Variants in OPN3 observed in about 807,000 individuals in gnomAD.
The protein encoded by OPN3 is opsin 3, also known as opsin-3.
In OPN3, 29 loss-of-function variants were observed where a neutral mutation model predicts 33.8. That is an observed-to-expected ratio of 0.86 (90% CI 0.64 to 1.17). The LOEUF (loss-of-function observed/expected upper bound fraction) is 1.17. OPN3 is among the 50% of genes most tolerant of loss of function. The pLI, the probability that OPN3 is intolerant of heterozygous loss-of-function variation, is 0.00. For synonymous variants in OPN3, 216 were observed against 216.1 expected, an observed-to-expected ratio of 1.00 and a Z score of 0.00; for missense variants, 437 against 514.1, an observed-to-expected ratio of 0.85 and a Z score of 1.45.
At chr1:241,637,726 T>C (rs755704921) in intron 1 of OPN3, among the ~76,000 whole-genome samples, 2 of 151,990 alleles carry the variant, frequency 1.3e-5, no homozygotes, top group East Asian at 1.9e-4. Context: ...TACCCAATAA[T>C]AGAGATGAGA....
chr1:241,604,486 C>G lies in OPN3; in HGVS notation c.467G>C (p.Arg156Thr), dbSNP rs1180316822. The change falls in exon 2 of 4, where the codon AGG (arginine) becomes ACG (threonine). Residue 156 changes from arginine (R) to threonine (T), a missense_variant. Coordinates refer to ENST00000366554, the MANE Select transcript of OPN3 (RefSeq NM_014322.3). ...ARVINFSWAW[R>T]AITYIWLYSL... Reference sequence around the variant, plus strand: ...GTAGAGCCAGATGTAGGTAATGGCCCTCCAGGCCCAGGAAAAATTGATCAC... The same window carrying G: ...GTAGAGCCAGATGTAGGTAATGGCCGTCCAGGCCCAGGAAAAATTGATCAC... The G allele has an allele frequency of 1.9e-6, 3 of 1,614,160 alleles. No homozygotes were observed.
chr1:241,597,683 A>G (rs1013587058), intron 3 of OPN3, 63 bp downstream of exon 3: 2 of 1,542,422 alleles, frequency 1.3e-6, no homozygotes, highest in Middle Eastern at 1.8e-4. Context: ...CTGTAAAAGT[A>G]TTACACTGTC....
At chr1:241,626,751 G>A (rs1664432746) in intron 1 of OPN3, among the ~76,000 whole-genome samples, 1 of 152,070 alleles carries the variant, frequency 6.6e-6, no homozygotes, top group Non-Finnish European at 1.5e-5. Context: ...CCCATACTGG[G>A]TAATATTTAC....
intron 1 of OPN3, among the ~76,000 whole-genome samples, chr1:241,613,791 C>T (rs188158546): frequency 6.6e-6 from 1 of 152,034 alleles, no homozygotes; most frequent in Admixed American, 6.5e-5. Flanking sequence ...GTTCAGTAGT[C>T]TTCATATTTC....
At chr1:241,619,702 T>A (rs572465151) in intron 1 of OPN3, among the ~76,000 whole-genome samples, 3 of 152,326 alleles carry the variant, frequency 2.0e-5, no homozygotes, top group African/African-American at 7.2e-5. Flanking sequence ...AGTTTCATCA[T>A]GAAACAGACT....
chr1:241,619,017 A>C (rs901227766), intron 1 of OPN3, among the ~76,000 whole-genome samples: 1 of 151,906 alleles, frequency 6.6e-6, no homozygotes, highest in African/African-American at 2.4e-5. Context: ...GGATCACTCC[A>C]GGCAAGGAGA....
chr1:241,621,015 C>T (rs1664259125), intron 1 of OPN3, among the ~76,000 whole-genome samples: 1 of 152,112 alleles, frequency 6.6e-6, no homozygotes, highest in South Asian at 2.1e-4. Context: ...AGGATGGAAG[C>T]ACTGCTTGGA....
intron 1 of OPN3, among the ~76,000 whole-genome samples, chr1:241,605,111 A>T (rs1456424091): frequency 2.0e-5 from 3 of 152,088 alleles, no homozygotes; most frequent in African/African-American, 7.2e-5. Flanking sequence ...GATTAAAAAA[A>T]GATTAGACAA....
chr1:241,640,262 C>G lies in OPN3; in HGVS notation c.-8G>C, dbSNP rs1358719434. On this transcript the variant is annotated 5_prime_UTR_variant, in exon 1 of 4. Coordinates refer to ENST00000366554, the MANE Select transcript of OPN3 (RefSeq NM_014322.3). ...GCGGTTCCCCGAGTACATGGCCCGG[C>G]GCCGGCGCGCCTGGCGGGCGGAGGC... 11 of 1,196,998 alleles carry G rather than the reference C, an allele frequency of 9.2e-6. No homozygotes were observed. Among genetic ancestry groups the G allele is most frequent in the Non-Finnish European group, 2.1e-6 (2 of 967,708 alleles). The allele number at this position is 1,196,998 out of a possible 1,614,324, so 74.1% of individuals were successfully genotyped here. A position where few individuals can be genotyped will look rare whatever the true frequency, so the allele number is the denominator to read the frequency against.
At chr1:241,627,050 G>A (rs1241549376) in intron 1 of OPN3, among the ~76,000 whole-genome samples, 1 of 152,072 alleles carries the variant, frequency 6.6e-6, no homozygotes, top group African/African-American at 2.4e-5. Context: ...GAGTGTATTA[G>A]AATTAAATAT....
At chr1:241,595,729 A>G (rs1663487749) in intron 3 of OPN3, 1 of 152,124 alleles carries the variant, frequency 6.6e-6, no homozygotes, top group Non-Finnish European at 1.5e-5. Context: ...CTCCAATCTT[A>G]TGCAAGTTAG....
At chr1:241,612,834 G>A (rs1474704619) in intron 1 of OPN3, among the ~76,000 whole-genome samples, 2 of 151,992 alleles carry the variant, frequency 1.3e-5, no homozygotes, top group African/African-American at 2.4e-5. Flanking sequence ...TTCATCCTCC[G>A]TAACCCAACC....
At chr1:241,620,642 T>C (rs1455919386) in intron 1 of OPN3, among the ~76,000 whole-genome samples, 1 of 152,240 alleles carries the variant, frequency 6.6e-6, no homozygotes, top group Middle Eastern at 3.2e-3. Flanking sequence ...CCACCCACTT[T>C]AGGGTATTTT....
At chr1:241,614,597 C>T (rs2148009103) in intron 1 of OPN3, among the ~76,000 whole-genome samples, 1 of 152,372 alleles carries the variant, frequency 6.6e-6, no homozygotes, top group East Asian at 1.9e-4. Context: ...TCGTGCCAGG[C>T]TTACCTCCCC....
chr1:241,594,818 G>T (rs1333825465), intron 3 of OPN3, 127 bp from the exon 4 acceptor site: 21 of 1,024,960 alleles, frequency 2.0e-5, no homozygotes, highest in Non-Finnish European at 2.8e-5. Context: ...TGGATGTGGG[G>T]TTATGTGGTC....
intron 1 of OPN3, chr1:241,629,084 G>A (rs1231228346): frequency 6.6e-6 from 1 of 152,458 alleles, no homozygotes; most frequent in Non-Finnish European, 1.5e-5. Context: ...ATTATTGAAT[G>A]GCTATATAAC....
intron 2 of OPN3, among the ~76,000 whole-genome samples, chr1:241,600,206 T>C (rs1051510397): frequency 6.6e-6 from 1 of 152,266 alleles, no homozygotes; most frequent in African/African-American, 2.4e-5. Flanking sequence ...AGTTCCTCTT[T>C]GGGATAAGGA....
In OPN3 at chr1:241,640,304, G is replaced by T; in HGVS notation, c.-50C>A. On this transcript the variant is annotated 5_prime_UTR_variant, in exon 1 of 4. Transcript: ENST00000366554. ...GGCGGAGGCGCTCAGCTTGCGGCGG[G>T]GCTCGCGGCGCGCTCCGCACTGGGT... is the stretch of plus-strand genomic sequence containing the variant. 1 of 1,110,236 alleles carries T rather than the reference G, an allele frequency of 9.0e-7. No individual in the cohort carries two copies. The highest frequency in any genetic ancestry group is 1.1e-6 in the Non-Finnish European group (1 of 914,140). 68.8% of individuals were successfully genotyped at this position (1,110,236 alleles called of 1,614,324 possible).
In OPN3 at chr1:241,593,719, T is replaced by A. The variant is rs1401713615; in HGVS notation, c.*709A>T. On this transcript the variant is annotated 3_prime_UTR_variant, in exon 4 of 4. Coordinates refer to ENST00000366554, the MANE Select transcript of OPN3 (RefSeq NM_014322.3). ...GCGTCTTAGAACTCCCTGGCTTATA[T>A]AGCATCGACAAAGAACAGTAAATTT... 6.3e-6 allele frequency: 1 copy of A among 158,614 alleles called. No individual in the cohort carries two copies. Among genetic ancestry groups the A allele is most frequent in the African/African-American group, 2.4e-5 (1 of 41,516 alleles). 9.8% of individuals were successfully genotyped at this position (158,614 alleles called of 1,614,324 possible).
Sources: gnomAD v4.1 joint callset for allele counts (sites outside exome capture counted in the v4.1 genomes callset) on GRCh38, gnomAD v4.1.1 for gene constraint, MANE v1.5 for transcripts, NCBI Gene and HGNC (gene_info 2026-07-23, HGNC 2026-07-21) for gene names.